Variants in DDR2 observed in about 807,000 individuals in gnomAD.
DDR2 encodes the protein discoidin domain receptor tyrosine kinase 2.
DDR2 carries 27 observed loss-of-function variants against 94.9 expected under a neutral mutation model. The observed-to-expected ratio is 0.28, with a 90% CI of 0.21 to 0.39. The LOEUF (loss-of-function observed/expected upper bound fraction) is 0.39. DDR2 is among the 10% of genes least tolerant of loss of function. The pLI is 1.00. For synonymous variants in DDR2, 382 were observed against 377.2 expected (o/e 1.01, Z -0.15); for missense variants, 783 against 1,076.0 (o/e 0.73, Z 3.81).
intron 2 of DDR2, among the ~76,000 whole-genome samples, chr1:162,704,283 A>C (rs184547755): frequency 5.2e-4 from 79 of 152,136 alleles, no homozygotes; most frequent in African/African-American, 1.8e-3. Flanking sequence ...ATCACCAGAA[A>C]ATGCCTTGGA....
chr1:162,750,222 A>T (rs1338700723), intron 3 of DDR2, among the ~76,000 whole-genome samples: 2 of 152,334 alleles, frequency 1.3e-5, no homozygotes, highest in South Asian at 2.1e-4. Flanking sequence ...TGCAGATGAC[A>T]TGATTGTATA....
intron 2 of DDR2, among the ~76,000 whole-genome samples, chr1:162,691,089 G>C (rs1027885612): frequency 2.6e-5 from 4 of 152,174 alleles, no homozygotes; most frequent in Non-Finnish European, 4.4e-5. Context: ...TTTTTGGAGG[G>C]AACAACAAAG....
intron 1 of DDR2, among the ~76,000 whole-genome samples, chr1:162,647,479 C>T (rs554493541): frequency 1.4e-4 from 21 of 152,238 alleles, no homozygotes; most frequent in African/African-American, 5.1e-4. Context: ...AAAGTGAAAG[C>T]AAGTTTATTA....
chr1:162,761,730 G>A (rs1663756703), intron 9 of DDR2, among the ~76,000 whole-genome samples: 1 of 152,174 alleles, frequency 6.6e-6, no homozygotes, highest in Admixed American at 6.5e-5. Flanking sequence ...ATTTAAGGTA[G>A]TTAACGAGTG....
intron 3 of DDR2, among the ~76,000 whole-genome samples, chr1:162,724,813 A>G (rs957308727): frequency 1.3e-5 from 2 of 152,072 alleles, no homozygotes; most frequent in East Asian, 3.9e-4. Flanking sequence ...CAGCCTGAAC[A>G]GGCCTTGAGA....
intron 2 of DDR2, among the ~76,000 whole-genome samples, chr1:162,711,596 T>G (rs1333649429): frequency 1.3e-5 from 2 of 152,220 alleles, no homozygotes; most frequent in Non-Finnish European, 2.9e-5. Context: ...ATGGAGGTAC[T>G]CAAACTTTCC....
chr1:162,778,546 T>C, intron 16 of DDR2, 34 bp from the exon 17 acceptor site: 1 of 1,613,654 alleles, frequency 6.2e-7, no homozygotes, highest in South Asian at 1.1e-5. Context: ...GCACAGGTTA[T>C]TCTGATTTCC....
chr1:162,696,807 G>A (rs932054713), intron 2 of DDR2, among the ~76,000 whole-genome samples: 19 of 151,964 alleles, frequency 1.3e-4, no homozygotes, highest in African/African-American at 3.9e-4. Flanking sequence ...CCCTGCCCCC[G>A]CTGTCTGCCC....
chr1:162,771,418 T>C (rs1256051021), intron 12 of DDR2, among the ~76,000 whole-genome samples: 1 of 152,204 alleles, frequency 6.6e-6, no homozygotes, highest in Non-Finnish European at 1.5e-5. Flanking sequence ...CTTGCATCTA[T>C]TTTATTATTC....
At chr1:162,690,848 T>C (rs921112335) in intron 2 of DDR2, among the ~76,000 whole-genome samples, 2 of 152,242 alleles carry the variant, frequency 1.3e-5, no homozygotes, top group Admixed American at 6.5e-5. Flanking sequence ...TTAAGAATCA[T>C]GGGAATAGTA....
rs141693325 is a variant in DDR2, at chr1:162,641,901, C to T, written c.-192+9270C>T. ...GAACAGATAAGCTTATGTGAAAACT[C>T]GGTTTGTATTGGGTCTATATTATAT... On this transcript the variant is annotated intron_variant, in intron 1 of 17. Coordinates refer to ENST00000367921, the MANE Select transcript of DDR2 (RefSeq NM_006182.4). 4.6e-5 allele frequency among the ~76,000 whole-genome samples: 7 copies of T among 152,168 alleles called. No homozygotes were observed. The South Asian group carries it at 6.2e-4, about 14-fold the overall frequency.
chr1:162,635,494 C>G (rs777197817), intron 1 of DDR2, among the ~76,000 whole-genome samples: 2 of 152,180 alleles, frequency 1.3e-5, no homozygotes, highest in Non-Finnish European at 1.5e-5. Flanking sequence ...TGGACCTCCA[C>G]AGACATGCTA....
At chr1:162,670,411 C>T (rs980356671) in intron 2 of DDR2, among the ~76,000 whole-genome samples, 2 of 152,172 alleles carry the variant, frequency 1.3e-5, no homozygotes, top group Admixed American at 1.3e-4. Context: ...TGGCACAGCT[C>T]TCCATTTTAA....
intron 4 of DDR2, among the ~76,000 whole-genome samples, 156 bp from the exon 5 acceptor site, chr1:162,754,468 C>T (rs2102131497): frequency 6.6e-6 from 1 of 152,246 alleles, no homozygotes; most frequent in Middle Eastern, 3.4e-3. Context: ...CAAATGGGTA[C>T]TGTGGTGGCA....
At chr1:162,701,073 GAA>G (rs397738963) in intron 2 of DDR2, among the ~76,000 whole-genome samples, 2 of 143,600 alleles carry the variant, frequency 1.4e-5, no homozygotes, top group African/African-American at 2.6e-5. Context: ...AAGAAGAACT[GAA>G]AAAAAAAAAA....
intron 2 of DDR2, among the ~76,000 whole-genome samples, chr1:162,656,595 T>G (rs1333849888): frequency 2.0e-5 from 3 of 151,960 alleles, no homozygotes; most frequent in Non-Finnish European, 4.4e-5. Flanking sequence ...CCTCCTTTCC[T>G]TCCTCTTTTC....
intron 2 of DDR2, among the ~76,000 whole-genome samples, chr1:162,676,964 T>C (rs577899104): frequency 5.3e-5 from 8 of 152,298 alleles, no homozygotes; most frequent in African/African-American, 1.2e-4. Flanking sequence ...GCCCTTCCTA[T>C]GAGAAATAAA....
At chr1:162,670,386 G>A (rs914731628) in intron 2 of DDR2, among the ~76,000 whole-genome samples, 22 of 152,204 alleles carry the variant, frequency 1.4e-4, no homozygotes, top group African/African-American at 3.6e-4. Flanking sequence ...GATTACAGGC[G>A]TGAGCCATTG....
At chr1:162,774,772 C>T (rs552126280) in intron 14 of DDR2, among the ~76,000 whole-genome samples, 8 of 152,150 alleles carry the variant, frequency 5.3e-5, no homozygotes, top group Admixed American at 3.9e-4. Context: ...GCCATGACTG[C>T]AAACCCTCCC....
Sources: allele counts gnomAD v4.1 joint callset (sites outside exome capture counted in the v4.1 genomes callset), GRCh38; gene constraint gnomAD v4.1.1; transcripts MANE v1.5; gene names NCBI Gene and HGNC (gene_info 2026-07-23, HGNC 2026-07-21).